The following MROH9 variants were observed in gnomAD, a reference collection of about 807,000 sequenced individuals.
MROH9 encodes maestro heat-like repeat-containing protein family member 9.
In MROH9, 92 loss-of-function variants were observed where a neutral mutation model predicts 98.2. That is an observed-to-expected ratio of 0.94 (90% CI 0.79 to 1.11). The LOEUF is 1.11. Ranked by LOEUF, MROH9 falls within the 50% of genes most tolerant of loss-of-function variation. The pLI, the probability that MROH9 is intolerant of heterozygous loss-of-function variation, is 0.00. For synonymous variants in MROH9, 397 were observed against 368.9 expected, an observed-to-expected ratio of 1.08 and a Z score of -0.87; for missense variants, 1,057 against 1,014.8, an observed-to-expected ratio of 1.04 and a Z score of -0.57.
At chr1:170,990,102 C>T (rs1308463527) in intron 11 of MROH9, 99 bp downstream of exon 11, 10 of 1,260,614 alleles carry the variant, frequency 7.9e-6, no homozygotes, top group Non-Finnish European at 1.1e-5. Flanking sequence ...CATAGTCAGG[C>T]CTGGTTTCTT....
intron 20 of MROH9, among the ~76,000 whole-genome samples, chr1:171,060,771 A>T (rs1291977734): frequency 6.6e-6 from 1 of 152,204 alleles, no homozygotes; most frequent in East Asian, 1.9e-4. Flanking sequence ...TAAAATAGTA[A>T]AGCTTCCAGA....
At chr1:170,986,743 G>A in intron 10 of MROH9, 33 bp downstream of exon 10, 1 of 1,602,492 alleles carries the variant, frequency 6.2e-7, no homozygotes. Flanking sequence ...GGAGAGCACA[G>A]GGTTTACTCT....
At chr1:171,036,205 T>C (rs951694242) in intron 20 of MROH9, among the ~76,000 whole-genome samples, 2 of 152,136 alleles carry the variant, frequency 1.3e-5, no homozygotes, top group Non-Finnish European at 2.9e-5. Context: ...AGGGTAGCGT[T>C]TACACTTGGG....
intron 8 of MROH9, among the ~76,000 whole-genome samples, chr1:170,977,670 G>T (rs1444651429): frequency 1.3e-5 from 2 of 152,126 alleles, no homozygotes; most frequent in African/African-American, 2.4e-5. Flanking sequence ...TTAAGTGTTG[G>T]CTATAGATCA....
chr1:171,045,847 T>C (rs374218578), intron 20 of MROH9, among the ~76,000 whole-genome samples: 38 of 152,316 alleles, frequency 2.5e-4, no homozygotes, highest in African/African-American at 8.7e-4. Context: ...TGTTTCTTTG[T>C]TGATTTTCTG....
At chr1:171,002,543 G>A (rs1651816280) in intron 15 of MROH9, among the ~76,000 whole-genome samples, 1 of 152,084 alleles carries the variant, frequency 6.6e-6, no homozygotes. Flanking sequence ...CAAAATTCTT[G>A]GCAGATAATT....
intron 10 of MROH9, among the ~76,000 whole-genome samples, chr1:170,988,823 T>G (rs948375410): frequency 1.3e-5 from 2 of 152,178 alleles, no homozygotes; most frequent in Admixed American, 1.3e-4. Context: ...TGGACCTAAA[T>G]TAGCATAAAT....
At chr1:170,997,762 G>C (rs76812445) in intron 14 of MROH9, among the ~76,000 whole-genome samples, 1 of 152,038 alleles carries the variant, frequency 6.6e-6, no homozygotes, top group Non-Finnish European at 1.5e-5. Context: ...TCTCATCGGC[G>C]TTACATCATT....
At chr1:170,953,853 G>C (rs1557871543) in intron 3 of MROH9, among the ~76,000 whole-genome samples, 1 of 105,698 alleles carries the variant, frequency 9.5e-6, no homozygotes, top group African/African-American at 4.2e-5. Flanking sequence ...AAGGAAGAAA[G>C]AGAAAGAAAG....
intron 10 of MROH9, among the ~76,000 whole-genome samples, chr1:170,987,861 C>T (rs1242573209): frequency 2.0e-5 from 3 of 152,160 alleles, no homozygotes; most frequent in Non-Finnish European, 4.4e-5. Context: ...TAATTTATGG[C>T]CTACCCTTTC....
At chr1:170,962,108 G>A (rs17563376) in intron 6 of MROH9, 132 bp downstream of exon 6, 50,617 of 556,436 alleles carry the variant, frequency 0.091, 2,693 homozygotes, top group Non-Finnish European at 0.11. Flanking sequence ...CTTTACCACA[G>A]AAGAGTGAAA....
rs758837440 is a variant in MROH9, at chr1:170,982,370, C to T, written c.617-1052C>T. 9.2e-5 allele frequency among the ~76,000 whole-genome samples: 14 copies of T among 152,076 alleles called. 1 individual carries two copies. Among genetic ancestry groups the T allele is most frequent in the South Asian group, 4.1e-4 (2 of 4,826 alleles). On this transcript the variant is annotated intron_variant, in intron 8 of 21. Transcript: ENST00000367759. ...CAAAAAAGAGTATATATGGTATGAT[C>T]CACTTATATAAAATTAGAAAGTACC...
intron 20 of MROH9, among the ~76,000 whole-genome samples, chr1:171,038,687 G>A (rs758700256): frequency 3.3e-5 from 5 of 152,142 alleles, no homozygotes; most frequent in Non-Finnish European, 5.9e-5. Context: ...CAAAAGATGT[G>A]CTTTCCAACT....
intron 8 of MROH9, among the ~76,000 whole-genome samples, chr1:170,981,423 T>C (rs548946535): frequency 6.6e-6 from 1 of 152,196 alleles, no homozygotes; most frequent in Non-Finnish European, 1.5e-5. Flanking sequence ...TGGAATACTA[T>C]GCAGGCACAA....
chr1:171,046,393 C>G (rs1170446770), intron 20 of MROH9, among the ~76,000 whole-genome samples: 2 of 152,072 alleles, frequency 1.3e-5, no homozygotes, highest in African/African-American at 4.8e-5. Flanking sequence ...CTGTCTTCCT[C>G]TAGTCAAGGT....
In MROH9 at chr1:171,025,827, A is replaced by G. The variant is rs1335320662; in HGVS notation, c.2281+407A>G. Among the ~76,000 whole-genome samples the G allele has an allele frequency of 3.9e-5, 6 of 152,282 alleles. No individual in the cohort carries two copies. In the East Asian group the frequency reaches 9.6e-4, roughly 24 times the overall value. ...ATGAGGAAGAACTACCAAACCCACT[A>G]AAGTTTTAAAAAAGTGGAAACAGGC... On this transcript the variant is annotated intron_variant, in intron 20 of 21. Transcript: ENST00000367759.
intron 15 of MROH9, 89 bp downstream of exon 15, chr1:170,998,363 C>T: frequency 6.2e-7 from 1 of 1,611,694 alleles, no homozygotes; most frequent in South Asian, 1.1e-5. Flanking sequence ...GTATCTCTCC[C>T]TCTGAATGTT....
intron 3 of MROH9, among the ~76,000 whole-genome samples, chr1:170,949,993 T>A (rs1437554338): frequency 6.6e-6 from 1 of 152,104 alleles, no homozygotes; most frequent in African/African-American, 2.4e-5. Flanking sequence ...ATGTTAGGCA[T>A]GCTGTAAGTG....
intron 20 of MROH9, among the ~76,000 whole-genome samples, chr1:171,027,696 C>G (rs1026941651): frequency 6.6e-6 from 1 of 152,210 alleles, no homozygotes; most frequent in African/African-American, 2.4e-5. Context: ...TCCTATTTCT[C>G]CACAGCCTTG....
Sources: gnomAD v4.1 joint callset for allele counts (sites outside exome capture counted in the v4.1 genomes callset) on GRCh38, gnomAD v4.1.1 for gene constraint, MANE v1.5 for transcripts, NCBI Gene and HGNC (gene_info 2026-07-23, HGNC 2026-07-21) for gene names.